NELL1: variants seen among roughly 807,000 people sequenced by gnomAD.
NELL1 encodes neural EGFL like 1.
NELL1 carries 76 observed loss-of-function variants against 107.4 expected under a neutral mutation model. That is an observed-to-expected ratio of 0.71 (90% CI 0.59 to 0.86). The LOEUF is 0.86. Ranked by LOEUF, NELL1 falls within the 40% of genes least tolerant of loss-of-function variation. The pLI is 0.00. For missense variants in NELL1, 1,024 were observed against 1,005.5 expected (o/e 1.02, Z -0.25); for synonymous variants, 353 against 341.2 (o/e 1.03, Z -0.38).
intron 2 of NELL1, among the ~76,000 whole-genome samples, chr11:20,754,438 C>G (rs916054636): frequency 2.6e-5 from 4 of 152,242 alleles, no homozygotes; most frequent in Middle Eastern, 6.8e-3. Context: ...AATTTCTGGG[C>G]TGACATTTCT....
intron 13 of NELL1, among the ~76,000 whole-genome samples, chr11:21,215,988 A>G (rs189771398): frequency 6.6e-6 from 1 of 152,230 alleles, no homozygotes; most frequent in East Asian, 1.9e-4. Context: ...AACCCCTCCT[A>G]TCACAGAGCC....
chr11:20,962,399 G>A (rs149827440), intron 12 of NELL1, among the ~76,000 whole-genome samples: 5 of 152,162 alleles, frequency 3.3e-5, no homozygotes, highest in South Asian at 2.1e-4. Flanking sequence ...AGGGATAGAC[G>A]TCGAACAATT....
At chr11:21,446,288 T>C (rs546735190) in intron 15 of NELL1, among the ~76,000 whole-genome samples, 20 of 152,334 alleles carry the variant, frequency 1.3e-4, no homozygotes, top group African/African-American at 4.6e-4. Context: ...ACAGGTATTT[T>C]GAATTTTCTG....
chr11:21,317,261 T>C (rs1849899029), intron 14 of NELL1, among the ~76,000 whole-genome samples: 1 of 151,960 alleles, frequency 6.6e-6, no homozygotes, highest in Non-Finnish European at 1.5e-5. Context: ...TACTTAATCT[T>C]TCTCTTACTG....
At chr11:20,748,069 A>T (rs939609796) in intron 2 of NELL1, among the ~76,000 whole-genome samples, 1 of 152,180 alleles carries the variant, frequency 6.6e-6, no homozygotes, top group Non-Finnish European at 1.5e-5. Flanking sequence ...GCCCTCCAAC[A>T]TGTCAGTTCA....
At chr11:21,385,326 A>G (rs186460393) in intron 15 of NELL1, among the ~76,000 whole-genome samples, 1 of 152,048 alleles carries the variant, frequency 6.6e-6, no homozygotes, top group East Asian at 1.9e-4. Flanking sequence ...CAATTTAACA[A>G]GAAGAAGCTC....
intron 3 of NELL1, among the ~76,000 whole-genome samples, chr11:20,842,371 T>TA (rs200472794): frequency 0.16 from 22,467 of 140,800 alleles, 2,178 homozygotes; most frequent in East Asian, 0.33. Flanking sequence ...AGACTCCGTT[T>TA]AAAAAAAAAA....
intron 14 of NELL1, among the ~76,000 whole-genome samples, chr11:21,302,022 C>G (rs532090396): frequency 1.5e-4 from 23 of 152,154 alleles, no homozygotes; most frequent in African/African-American, 5.1e-4. Flanking sequence ...CCATGCTTGG[C>G]TCTTAAGCCC....
intron 12 of NELL1, among the ~76,000 whole-genome samples, chr11:20,981,968 CTCTCTCTCTCTCTT>C (rs1401629832): frequency 6.6e-6 from 1 of 152,068 alleles, no homozygotes; most frequent in Admixed American, 6.6e-5. Flanking sequence ...CTCTCTCTCT[CTCTCTCTCTCTCTT>C]TCTCTCTCTT....
At chr11:21,533,892 G>A (rs1856060167) in intron 15 of NELL1, among the ~76,000 whole-genome samples, 1 of 152,046 alleles carries the variant, frequency 6.6e-6, no homozygotes. Context: ...AGCTTTGCAG[G>A]ACATATAATT....
chr11:20,996,905 C>G (rs896556621), intron 12 of NELL1, among the ~76,000 whole-genome samples: 1 of 152,180 alleles, frequency 6.6e-6, no homozygotes, highest in Non-Finnish European at 1.5e-5. Context: ...ATCTCCCCCA[C>G]CTCCATATCC....
chr11:21,356,284 A>C (rs967200255), intron 14 of NELL1, among the ~76,000 whole-genome samples: 4 of 152,166 alleles, frequency 2.6e-5, no homozygotes, highest in African/African-American at 9.7e-5. Context: ...TCTCTGGTAC[A>C]GAGAGGGTGC....
At chr11:21,566,879 G>A (rs1856985338) in intron 17 of NELL1, among the ~76,000 whole-genome samples, 1 of 151,806 alleles carries the variant, frequency 6.6e-6, no homozygotes, top group Non-Finnish European at 1.5e-5. Flanking sequence ...AGTGAACATT[G>A]CCATTGTTCT....
At chr11:21,041,075 A>G (rs1185386025) in intron 12 of NELL1, among the ~76,000 whole-genome samples, 1 of 152,184 alleles carries the variant, frequency 6.6e-6, no homozygotes, top group Non-Finnish European at 1.5e-5. Context: ...GCAAGCTACA[A>G]TATACGATTA....
chr11:21,396,885 G>A (rs961038811), intron 15 of NELL1, among the ~76,000 whole-genome samples: 1 of 151,556 alleles, frequency 6.6e-6, no homozygotes, highest in African/African-American at 2.4e-5. Context: ...TAACACTGTG[G>A]TAAAGCTGAC....
intron 12 of NELL1, among the ~76,000 whole-genome samples, chr11:21,107,649 G>T (rs1266165224): frequency 2.0e-5 from 3 of 152,144 alleles, no homozygotes; most frequent in Non-Finnish European, 4.4e-5. Context: ...CTTGGGAAAG[G>T]CATCTGGAAC....
At chr11:20,760,640 G>C (rs1253151678) in intron 2 of NELL1, among the ~76,000 whole-genome samples, 1 of 152,178 alleles carries the variant, frequency 6.6e-6, no homozygotes, top group Non-Finnish European at 1.5e-5. Context: ...TACGGTGATG[G>C]ATGTCAGCTC....
At chr11:21,202,491 T>C (rs1857291921) in intron 13 of NELL1, among the ~76,000 whole-genome samples, 4 of 152,212 alleles carry the variant, frequency 2.6e-5, no homozygotes, top group Admixed American at 2.6e-4. Context: ...TCATTTCTTA[T>C]TGCATCTATT....
At chr11:20,857,715 G>T (rs1848909236) in intron 4 of NELL1, among the ~76,000 whole-genome samples, 1 of 152,226 alleles carries the variant, frequency 6.6e-6, no homozygotes, top group Non-Finnish European at 1.5e-5. Flanking sequence ...TGCTCCTTAT[G>T]CCTGGGATTG....
Sources: allele counts gnomAD v4.1 joint callset (sites outside exome capture counted in the v4.1 genomes callset), GRCh38; gene constraint gnomAD v4.1.1; transcripts MANE v1.5; gene names NCBI Gene and HGNC (gene_info 2026-07-23, HGNC 2026-07-21).